The following GRID1 variants were observed in gnomAD, a reference collection of about 807,000 sequenced individuals.
GRID1 encodes glutamate ionotropic receptor delta type subunit 1.
GRID1 carries 28 observed loss-of-function variants against 98.0 expected under a neutral mutation model. The ratio of observed to expected loss-of-function variants is 0.29; its 90% confidence interval spans 0.21 to 0.39. The LOEUF is 0.39. Among genes scored for constraint, GRID1 ranks in the 10% least tolerant of loss-of-function variants. The probability of loss-of-function intolerance (pLI) is 1.00; values close to 1 mark genes in which losing one functional copy is unlikely to be tolerated. For missense variants in GRID1, 1,111 were observed against 1,340.5 expected, an observed-to-expected ratio of 0.83 and a Z score of 2.67; for synonymous variants, 553 against 538.5, an observed-to-expected ratio of 1.03 and a Z score of -0.37.
At chr10:86,196,124 C>T (rs934257731) in intron 3 of GRID1, among the ~76,000 whole-genome samples, 1 of 151,938 alleles carries the variant, frequency 6.6e-6, no homozygotes, top group Admixed American at 6.6e-5. Context: ...AGCTGCTGAC[C>T]CTCCATCCCT....
intron 5 of GRID1, among the ~76,000 whole-genome samples, chr10:85,901,407 C>A (rs76674975): frequency 6.6e-6 from 1 of 151,926 alleles, no homozygotes; most frequent in African/African-American, 2.4e-5. Flanking sequence ...CCACCATGCC[C>A]GGCTAATTGT....
At chr10:85,960,095 A>C (rs1345716467) in intron 4 of GRID1, among the ~76,000 whole-genome samples, 1 of 152,086 alleles carries the variant, frequency 6.6e-6, no homozygotes, top group Non-Finnish European at 1.5e-5. Flanking sequence ...TTTTTGGTAG[A>C]GACAGGGTTG....
chr10:86,306,388 T>A (rs1309445248), intron 2 of GRID1, among the ~76,000 whole-genome samples: 1 of 152,188 alleles, frequency 6.6e-6, no homozygotes, highest in Non-Finnish European at 1.5e-5. Flanking sequence ...CATTCCCCAA[T>A]AGCTTCCTCC....
At chr10:86,363,356 G>T (rs767391617) in intron 2 of GRID1, among the ~76,000 whole-genome samples, 2 of 152,158 alleles carry the variant, frequency 1.3e-5, no homozygotes, top group Non-Finnish European at 2.9e-5. Flanking sequence ...CCGCGGCGCG[G>T]ACAGCGAGAG....
At chr10:85,875,485 T>G (rs1426025481) in intron 5 of GRID1, among the ~76,000 whole-genome samples, 1 of 152,148 alleles carries the variant, frequency 6.6e-6, no homozygotes, top group African/African-American at 2.4e-5. Context: ...TTTATATTCA[T>G]TATGATTATT....
intron 12 of GRID1, among the ~76,000 whole-genome samples, chr10:85,678,616 G>T (rs1440657222): frequency 6.6e-6 from 1 of 152,018 alleles, no homozygotes; most frequent in African/African-American, 2.4e-5. Context: ...ATTTTCTCTA[G>T]TCTCCTTAGA....
intron 5 of GRID1, among the ~76,000 whole-genome samples, chr10:85,911,653 G>T (rs770571425): frequency 3.9e-5 from 6 of 152,188 alleles, no homozygotes; most frequent in Non-Finnish European, 8.8e-5. Flanking sequence ...TTGGTTCAAT[G>T]TCTGGAAGAA....
chr10:86,136,884 G>T (rs373776964), intron 4 of GRID1, among the ~76,000 whole-genome samples: 1 of 152,186 alleles, frequency 6.6e-6, no homozygotes, highest in Admixed American at 6.5e-5. Context: ...GATGGGATCC[G>T]TACTCTAAAC....
intron 6 of GRID1, among the ~76,000 whole-genome samples, 178 bp downstream of exon 6, chr10:85,868,832 T>C (rs766701508): frequency 6.6e-6 from 1 of 152,184 alleles, no homozygotes; most frequent in Non-Finnish European, 1.5e-5. Flanking sequence ...ACAGGCATAA[T>C]TGCCTGCTCG....
At chr10:85,673,061 G>C (rs558799811) in intron 12 of GRID1, among the ~76,000 whole-genome samples, 2 of 152,320 alleles carry the variant, frequency 1.3e-5, no homozygotes, top group East Asian at 3.9e-4. Flanking sequence ...GCAAGAAATT[G>C]ATTCCAACCC....
In GRID1 at chr10:86,206,887, A is replaced by T. The variant is rs1218442569; in HGVS notation, c.236-239T>A. On this transcript the variant is annotated intron_variant, in intron 2 of 15. Coordinates refer to ENST00000327946, the MANE Select transcript of GRID1 (RefSeq NM_017551.3). The surrounding 1 kb of genome is among the most constrained non-coding windows in gnomAD (Gnocchi z 4.1). ...TACCCATTTAACATGAGAAAATAGA[A>T]GTCAAAACGGGCAAAACCATTTGCC... Among the ~76,000 whole-genome samples, 2 of 152,218 alleles carry T rather than the reference A, an allele frequency of 1.3e-5. No homozygotes were observed. Among genetic ancestry groups the T allele is most frequent in the East Asian group, 3.8e-4 (2 of 5,198 alleles).
At chr10:85,912,114 G>A (rs1421511434) in intron 5 of GRID1, among the ~76,000 whole-genome samples, 1 of 152,192 alleles carries the variant, frequency 6.6e-6, no homozygotes, top group Non-Finnish European at 1.5e-5. Context: ...CTTGCTCAGG[G>A]CATTGAGGAT....
intron 8 of GRID1, among the ~76,000 whole-genome samples, chr10:85,782,839 G>A (rs1159076866): frequency 6.6e-6 from 1 of 152,202 alleles, no homozygotes; most frequent in Non-Finnish European, 1.5e-5. Context: ...TAGTGTACGT[G>A]CACGTCTAAA....
chr10:86,237,345 A>T (rs924759684), intron 2 of GRID1, among the ~76,000 whole-genome samples: 2 of 152,108 alleles, frequency 1.3e-5, no homozygotes, highest in African/African-American at 4.8e-5. Context: ...ATGAGGGTGG[A>T]TTTCCCTCTT....
At chr10:86,117,423 C>T (rs187864093) in intron 4 of GRID1, among the ~76,000 whole-genome samples, 4 of 152,088 alleles carry the variant, frequency 2.6e-5, no homozygotes, top group African/African-American at 9.6e-5. Context: ...ACTATTACCA[C>T]CACCAATACA....
intron 2 of GRID1, among the ~76,000 whole-genome samples, chr10:86,360,086 G>C (rs187181585): frequency 1.7e-4 from 26 of 152,210 alleles, no homozygotes; most frequent in African/African-American, 5.8e-4. Context: ...ATAAATCTTA[G>C]GACCAACATA....
intron 4 of GRID1, among the ~76,000 whole-genome samples, chr10:86,005,613 G>A (rs1842851698): frequency 6.6e-6 from 1 of 152,194 alleles, no homozygotes; most frequent in South Asian, 2.1e-4. Context: ...CCCACACTGT[G>A]GTCAAATTTT....
chr10:85,725,108 T>C (rs1841747926), intron 10 of GRID1, among the ~76,000 whole-genome samples: 1 of 152,126 alleles, frequency 6.6e-6, no homozygotes, highest in East Asian at 1.9e-4. Flanking sequence ...CACACTCCAT[T>C]TCTTCATCAC....
At chr10:85,794,891 A>C (rs1158000185) in intron 8 of GRID1, among the ~76,000 whole-genome samples, 1 of 152,224 alleles carries the variant, frequency 6.6e-6, no homozygotes, top group Admixed American at 6.5e-5. Flanking sequence ...CCTGAAAGAC[A>C]CAGCAAATTC....
Sources: gnomAD v4.1 joint callset for allele counts (sites outside exome capture counted in the v4.1 genomes callset) on GRCh38, gnomAD v4.1.1 for gene constraint, Gnocchi (gnomAD v3.1) non-coding constraint, MANE v1.5 for transcripts, NCBI Gene and HGNC (gene_info 2026-07-23, HGNC 2026-07-21) for gene names.